PLEKHH1: variants seen among roughly 807,000 people sequenced by gnomAD.
PLEKHH1 encodes pleckstrin homology, MyTH4 and FERM domain containing H1.
Under a neutral mutation model 160.0 loss-of-function variants are expected in PLEKHH1, and 104 were observed. The observed-to-expected ratio is 0.65, with a 90% confidence interval of 0.55 to 0.76. The LOEUF is 0.76. Ranked by LOEUF, PLEKHH1 falls within the 30% of genes least tolerant of loss-of-function variation. PLEKHH1 has a pLI of 0.00. For synonymous variants in PLEKHH1, 619 were observed against 678.4 expected (o/e 0.91, Z 1.36); for missense variants, 1,427 against 1,724.1 (o/e 0.83, Z 3.05).
In PLEKHH1 at chr14:67,573,787, T is replaced by C. The variant is rs890975021; in HGVS notation, c.1840-14T>C. ...CACATTCAGTGGCTCTCCTCTCCAA[T>C]ACTTTCTTTACAGAGTGATGTCATC... is the stretch of plus-strand genomic sequence containing the variant. On this transcript the variant is annotated splice_polypyrimidine_tract_variant and intron_variant, in intron 12 of 28. Coordinates refer to ENST00000329153, the MANE Select transcript of PLEKHH1 (RefSeq NM_020715.3). The surrounding 1 kb of genome is among the most constrained non-coding windows in gnomAD (Gnocchi z 4.8). 1 of 1,582,066 alleles carries C rather than the reference T, an allele frequency of 6.3e-7. No homozygotes were observed. Among genetic ancestry groups the C allele is most frequent in the Non-Finnish European group, 8.7e-7 (1 of 1,150,784 alleles).
At chr14:67,555,449 C>T (rs138020147) in intron 2 of PLEKHH1, among the ~76,000 whole-genome samples, 103 of 152,284 alleles carry the variant, frequency 6.8e-4, no homozygotes, top group African/African-American at 2.4e-3. Context: ...ATGGCCCCAC[C>T]TTCGACCCAA....
intron 2 of PLEKHH1, among the ~76,000 whole-genome samples, chr14:67,549,064 T>C (rs2034290810): frequency 6.6e-6 from 1 of 152,132 alleles, no homozygotes; most frequent in Non-Finnish European, 1.5e-5. Context: ...TCCTAAAATA[T>C]CTCATACTTT....
intron 5 of PLEKHH1, among the ~76,000 whole-genome samples, chr14:67,561,133 C>T (rs1482636629): frequency 1.3e-5 from 2 of 152,210 alleles, no homozygotes; most frequent in African/African-American, 2.4e-5. Flanking sequence ...ATGTACATCT[C>T]AGGTCACCTG....
At chr14:67,557,200 C>T (rs2034628869) in intron 3 of PLEKHH1, 69 bp from the exon 4 acceptor site, 1 of 1,366,442 alleles carries the variant, frequency 7.3e-7, no homozygotes, top group Admixed American at 1.9e-5. Flanking sequence ...TGTCCCATCC[C>T]ACGTTACTGG....
intron 8 of PLEKHH1, chr14:67,569,664 CTG>C (rs1263930619): frequency 1.9e-6 from 1 of 534,072 alleles, no homozygotes; most frequent in Non-Finnish European, 3.4e-6. Context: ...CAGTGGAACA[CTG>C]TGCAAGCCTC....
intron 7 of PLEKHH1, among the ~76,000 whole-genome samples, chr14:67,564,295 C>T (rs1031036065): frequency 6.6e-6 from 1 of 152,106 alleles, no homozygotes; most frequent in Non-Finnish European, 1.5e-5. Flanking sequence ...CTGCGCCAGG[C>T]CAGCTTCCTT....
Position 67,572,330 on chromosome 14 carries a change from G to A in PLEKHH1, c.1728+53G>A, listed in dbSNP as rs546445002. On this transcript the variant is annotated intron_variant, in intron 11 of 28. Coordinates refer to ENST00000329153, the MANE Select transcript of PLEKHH1 (RefSeq NM_020715.3). ...GTGGAAGCAGAATGCAGCAGAGGCT[G>A]CTGGGGCCCTCAGCACAAGACATAG... 57 of 1,509,490 alleles carry A rather than the reference G, an allele frequency of 3.8e-5. No homozygotes were observed. In the African/African-American group the frequency reaches 7.5e-4, roughly 20 times the overall value. The allele number at this position is 1,509,490 out of a possible 1,614,324, so 93.5% of individuals were successfully genotyped here. A position where few individuals can be genotyped will look rare whatever the true frequency, so the allele number is the denominator to read the frequency against.
At chr14:67,577,795 T>C (rs990853939) in intron 18 of PLEKHH1, among the ~76,000 whole-genome samples, 2 of 152,204 alleles carry the variant, frequency 1.3e-5, no homozygotes, top group Non-Finnish European at 2.9e-5. Flanking sequence ...ATTTGTCTTG[T>C]TTATGTAATG....
intron 9 of PLEKHH1, chr14:67,570,730 T>G (rs1219963877): frequency 2.0e-5 from 3 of 152,208 alleles, no homozygotes; most frequent in Non-Finnish European, 4.4e-5. Flanking sequence ...TACCTCCTCC[T>G]TTTTATTTTT....
At chr14:67,559,840 A>G in intron 5 of PLEKHH1, 149 bp downstream of exon 5, 1 of 621,972 alleles carries the variant, frequency 1.6e-6, no homozygotes, top group Admixed American at 2.5e-5. Flanking sequence ...CCATGCTGAG[A>G]CACCGTAGTT....
intron 1 of PLEKHH1, among the ~76,000 whole-genome samples, chr14:67,537,071 C>A (rs1045935954): frequency 1.4e-5 from 2 of 143,500 alleles, no homozygotes; most frequent in African/African-American, 5.3e-5. Flanking sequence ...AAAACTTAAT[C>A]TTAGGCTGGG....
chr14:67,587,383 T>C lies in PLEKHH1; in HGVS notation c.*148T>C, dbSNP rs772408901. On this transcript the variant is annotated 3_prime_UTR_variant, in exon 29 of 29. Coordinates refer to ENST00000329153, the MANE Select transcript of PLEKHH1 (RefSeq NM_020715.3). Reference sequence around the variant, plus strand: ...TGTATTTTAGTCTCTGTGAAGCCTTTACTCTCTAGGTGCCTTATAATGTTT... The same window carrying C: ...TGTATTTTAGTCTCTGTGAAGCCTTCACTCTCTAGGTGCCTTATAATGTTT... The C allele has an allele frequency of 1.1e-6, 1 of 884,584 alleles. No individual in the cohort carries two copies. Among genetic ancestry groups the C allele is most frequent in the Non-Finnish European group, 1.8e-6 (1 of 547,358 alleles). The allele number at this position is 884,584 out of a possible 1,614,324, so 54.8% of individuals were successfully genotyped here.
intron 28 of PLEKHH1, chr14:67,586,411 C>T: frequency 7.5e-7 from 1 of 1,338,302 alleles, no homozygotes; most frequent in Non-Finnish European, 9.8e-7. Context: ...ACGTGCTCTT[C>T]TCTTCCTTGC....
intron 7 of PLEKHH1, among the ~76,000 whole-genome samples, chr14:67,568,248 G>A (rs2035201841): frequency 6.6e-6 from 1 of 152,168 alleles, no homozygotes; most frequent in South Asian, 2.1e-4. Context: ...TATACACCAT[G>A]GAATACCGTG....
At position 67,578,323 on chromosome 14, in the gene PLEKHH1, C is replaced by A; in HGVS notation, c.2751+124C>A. ...CCAGCCAGCGGGCAGCCTCTGTGCTCCAAGCTGCATCAGTACGGCTGAGCT... is the reference window on the plus strand; with the variant it reads ...CCAGCCAGCGGGCAGCCTCTGTGCTACAAGCTGCATCAGTACGGCTGAGCT... On this transcript the variant is annotated intron_variant, in intron 19 of 28. Transcript: ENST00000329153. This position sits in a 1 kb window ranked among gnomAD's most constrained non-coding sequence, Gnocchi z 5.0. 1 of 851,374 alleles carries A rather than the reference C, an allele frequency of 1.2e-6. No homozygotes were observed. Among genetic ancestry groups the A allele is most frequent in the Non-Finnish European group, 1.9e-6 (1 of 528,018 alleles). 52.7% of individuals were successfully genotyped at this position (851,374 alleles called of 1,614,324 possible). A position where few individuals can be genotyped will look rare whatever the true frequency, so the allele number is the denominator to read the frequency against.
intron 2 of PLEKHH1, among the ~76,000 whole-genome samples, chr14:67,545,946 A>T (rs2034159847): frequency 8.9e-6 from 1 of 112,406 alleles, no homozygotes; most frequent in African/African-American, 3.2e-5. Context: ...CTCTGCTGCT[A>T]AAAAAAAAAA....
intron 1 of PLEKHH1, among the ~76,000 whole-genome samples, chr14:67,536,952 ATTGT>A (rs2033743935): frequency 6.6e-6 from 1 of 150,972 alleles, no homozygotes; most frequent in Non-Finnish European, 1.5e-5. Flanking sequence ...AGGCAGGAAA[ATTGT>A]TTGAACCTGA....
chr14:67,574,265 C>G lies in PLEKHH1; in HGVS notation c.1950C>G (p.Tyr650Ter). Residue 650 changes from tyrosine to a stop codon, truncating the protein, a stop_gained, in exon 14 of 29, where the codon TAC (tyrosine) becomes TAG (stop). Transcript: ENST00000329153. LOFTEE classifies it high-confidence loss of function. This position sits in a 1 kb window ranked among gnomAD's most constrained non-coding sequence, Gnocchi z 4.2. ...AGCTCATCTCTGAGAAGAAAACCTA[C>G]TACCTGACGGCCGATTCACCCAGCC... ...TFQLISEKKTYYLTADSPSLL... is the reference protein window; with the variant it reads ...TFQLISEKKT 6.2e-7 allele frequency: 1 copy of G among 1,607,682 alleles called. No homozygotes were observed.
chr14:67,560,225 C>T (rs2034775616), intron 5 of PLEKHH1, among the ~76,000 whole-genome samples: 1 of 152,074 alleles, frequency 6.6e-6, no homozygotes, highest in Non-Finnish European at 1.5e-5. Flanking sequence ...ACAGGTTTCA[C>T]CATGTTGGCC....
Sources: gnomAD v4.1 joint callset for allele counts (sites outside exome capture counted in the v4.1 genomes callset) on GRCh38, gnomAD v4.1.1 for gene constraint, Gnocchi (gnomAD v3.1) non-coding constraint, MANE v1.5 for transcripts, NCBI Gene and HGNC (gene_info 2026-07-23, HGNC 2026-07-21) for gene names.